Variants in RALGPS2 observed in about 807,000 individuals in gnomAD.
RALGPS2 encodes Ral GEF with PH domain and SH3 binding motif 2, also known as ras-specific guanine nucleotide-releasing factor RalGPS2.
RALGPS2 carries 43 observed loss-of-function variants against 86.8 expected under a neutral mutation model. That is an observed-to-expected ratio of 0.50 (90% CI 0.39 to 0.64). The LOEUF (loss-of-function observed/expected upper bound fraction) is 0.64. Ranked by LOEUF, RALGPS2 falls within the 30% of genes least tolerant of loss-of-function variation. The pLI is 0.00. For synonymous variants in RALGPS2, 243 were observed against 231.3 expected (o/e 1.05, Z -0.46); for missense variants, 536 against 694.6 (o/e 0.77, Z 2.57).
intron 10 of RALGPS2, among the ~76,000 whole-genome samples, chr1:178,881,027 T>C (rs1659223985): frequency 6.6e-6 from 1 of 152,140 alleles, no homozygotes. Flanking sequence ...GACATATATT[T>C]ACTAAGGTTT....
At chr1:178,912,888 CT>C (rs2102421984) in intron 19 of RALGPS2, among the ~76,000 whole-genome samples, 1 of 152,176 alleles carries the variant, frequency 6.6e-6, no homozygotes, top group African/African-American at 2.4e-5. Context: ...AAATTTTTTT[CT>C]TTAATGTTTG....
chr1:178,793,843 A>G (rs1654067909), intron 4 of RALGPS2, among the ~76,000 whole-genome samples: 1 of 152,176 alleles, frequency 6.6e-6, no homozygotes, highest in Non-Finnish European at 1.5e-5. Flanking sequence ...GTAAAATAGC[A>G]TCCTTTCTAC....
In RALGPS2 at chr1:178,853,652, A is replaced by G. The variant is rs200906192; in HGVS notation, c.607+20102A>G. 3.2e-5 allele frequency: 51 copies of G among 1,611,642 alleles called. No individual in the cohort carries two copies. The highest frequency in any genetic ancestry group is 4.1e-5 in the Non-Finnish European group (48 of 1,179,054). Reference sequence around the variant, plus strand: ...AGAGCCGTCTGTTCTTTTCTGAATAACAGTCCAACCCCCAGGGTCCAAACT... The same window carrying G: ...AGAGCCGTCTGTTCTTTTCTGAATAGCAGTCCAACCCCCAGGGTCCAAACT... On this transcript the variant is annotated intron_variant, in intron 8 of 19. Coordinates refer to ENST00000367635, the MANE Select transcript of RALGPS2 (RefSeq NM_152663.5).
chr1:178,839,452 A>G (rs920296485), intron 8 of RALGPS2, among the ~76,000 whole-genome samples: 9 of 152,166 alleles, frequency 5.9e-5, no homozygotes, highest in Non-Finnish European at 1.3e-4. Context: ...CTTTACAGAC[A>G]AGCAAATGCT....
At chr1:178,898,517 A>G (rs1660036838) in intron 17 of RALGPS2, among the ~76,000 whole-genome samples, 1 of 152,028 alleles carries the variant, frequency 6.6e-6, no homozygotes, top group Non-Finnish European at 1.5e-5. Context: ...ACAGGTATAG[A>G]AAAGAACATT....
intron 4 of RALGPS2, among the ~76,000 whole-genome samples, chr1:178,789,150 A>C (rs1572334457): frequency 6.6e-6 from 1 of 151,986 alleles, no homozygotes; most frequent in African/African-American, 2.4e-5. Context: ...CAAGTGATCC[A>C]CCCGCCTTGG....
At position 178,811,330 on chromosome 1, in the gene RALGPS2, G is replaced by T; in HGVS notation, c.313G>T (p.Val105Phe). The change falls in exon 6 of 20, where the codon GTT becomes TTT. Residue 105 changes from valine to phenylalanine, a missense_variant. This residue lies in a region of RALGPS2 where 184 missense variants were observed against 296.7 expected (regional missense o/e 0.62). Transcript: ENST00000367635. ...RRFNHVSFWV[V>F]REILHAQTLK... ...TTATTTACAGGTAAGCTTTTGGGTT[G>T]TTAGAGAGATTCTTCATGCTCAAAC... 6.5e-7 allele frequency: 1 copy of T among 1,548,684 alleles called. No homozygotes were observed. Among genetic ancestry groups the T allele is most frequent in the Non-Finnish European group, 8.6e-7 (1 of 1,156,442 alleles).
intron 1 of RALGPS2, among the ~76,000 whole-genome samples, chr1:178,770,838 GT>G (rs1276426119): frequency 2.1e-3 from 229 of 109,538 alleles, no homozygotes; most frequent in African/African-American, 4.5e-3. Context: ...TGTTGTTGTT[GT>G]TTTTTTTTTT....
At chr1:178,748,206 G>A (rs550777768) in intron 1 of RALGPS2, among the ~76,000 whole-genome samples, 128 of 152,166 alleles carry the variant, frequency 8.4e-4, no homozygotes, top group African/African-American at 3.0e-3. Flanking sequence ...TGTAATCCCA[G>A]CCACTCGGGA....
intron 9 of RALGPS2, among the ~76,000 whole-genome samples, chr1:178,877,855 TTTTA>T (rs1461315228): frequency 2.4e-4 from 37 of 152,198 alleles, no homozygotes; most frequent in African/African-American, 8.9e-4. Flanking sequence ...TATTTAAAAT[TTTTA>T]TTTTTATATT....
intron 8 of RALGPS2, among the ~76,000 whole-genome samples, chr1:178,874,784 A>G (rs1209217768): frequency 1.3e-5 from 2 of 152,042 alleles, no homozygotes; most frequent in African/African-American, 4.8e-5. Context: ...CAAGTGTCAC[A>G]TGTGTTGATA....
intron 1 of RALGPS2, among the ~76,000 whole-genome samples, chr1:178,772,757 A>G (rs1652867244): frequency 6.6e-6 from 1 of 152,082 alleles, no homozygotes; most frequent in Non-Finnish European, 1.5e-5. Flanking sequence ...CTTTTTATTG[A>G]CTGAAGGCAA....
At chr1:178,906,293 T>A (rs1572471534) in intron 18 of RALGPS2, among the ~76,000 whole-genome samples, 1 of 151,846 alleles carries the variant, frequency 6.6e-6, no homozygotes, top group South Asian at 2.1e-4. Context: ...GAGAATCTCA[T>A]AAAGCTGGGA....
chr1:178,817,039 G>T (rs1212795904), intron 6 of RALGPS2, among the ~76,000 whole-genome samples: 7 of 151,840 alleles, frequency 4.6e-5, no homozygotes, highest in Non-Finnish European at 8.8e-5. Flanking sequence ...GGAAGGTGTA[G>T]GAGTTAAGGT....
At chr1:178,810,726 C>A (rs1423497139) in intron 5 of RALGPS2, among the ~76,000 whole-genome samples, 1 of 151,694 alleles carries the variant, frequency 6.6e-6, no homozygotes, top group Admixed American at 6.6e-5. Flanking sequence ...CAAGTAAAAT[C>A]TGAAATATTT....
chr1:178,794,550 T>C (rs1264755589), intron 4 of RALGPS2, among the ~76,000 whole-genome samples: 1 of 152,240 alleles, frequency 6.6e-6, no homozygotes, highest in African/African-American at 2.4e-5. Flanking sequence ...ATTTTTGTTT[T>C]AGATTTTTGT....
Position 178,879,134 on chromosome 1 carries a change from T to G in RALGPS2, c.836+142T>G, listed in dbSNP as rs1050359681. 5.1e-6 allele frequency: 6 copies of G among 1,178,878 alleles called. 1 individual carries two copies. The South Asian group carries it at 1.0e-4, about 20-fold the overall frequency. 73.0% of individuals were successfully genotyped at this position (1,178,878 alleles called of 1,614,324 possible). Reference sequence around the variant, plus strand: ...GTTTACAGCAGTAAAGGTACTAACATGTATTACTTCTTAATCACTTGTTAT... The same window carrying G: ...GTTTACAGCAGTAAAGGTACTAACAGGTATTACTTCTTAATCACTTGTTAT... On this transcript the variant is annotated intron_variant, in intron 10 of 19. Transcript: ENST00000367635.
At chr1:178,727,820 A>G (rs1402294841) in intron 1 of RALGPS2, among the ~76,000 whole-genome samples, 1 of 152,150 alleles carries the variant, frequency 6.6e-6, no homozygotes, top group African/African-American at 2.4e-5. Flanking sequence ...GGGACACAAC[A>G]GGGGAGACAC....
chr1:178,822,589 C>G (rs1572367670), intron 7 of RALGPS2, among the ~76,000 whole-genome samples: 1 of 152,056 alleles, frequency 6.6e-6, no homozygotes, highest in Admixed American at 6.5e-5. Context: ...CCCATGAAAA[C>G]CAGTGTAGAT....
Sources: gnomAD v4.1 joint callset for allele counts (sites outside exome capture counted in the v4.1 genomes callset) on GRCh38, gnomAD v4.1.1 for gene constraint, gnomAD v4.1.1 regional missense constraint, MANE v1.5 for transcripts, NCBI Gene and HGNC (gene_info 2026-07-23, HGNC 2026-07-21) for gene names.